The following PRCC variants were observed in gnomAD, a reference collection of about 807,000 sequenced individuals.
PRCC encodes proline-rich protein PRCC.
PRCC carries 10 observed loss-of-function variants against 44.0 expected under a neutral mutation model. That is an observed-to-expected ratio of 0.23 (90% CI 0.14 to 0.39). The LOEUF (loss-of-function observed/expected upper bound fraction) is 0.39, where lower values mean the gene tolerates loss of function less well. Among genes scored for constraint, PRCC ranks in the 10% least tolerant of loss-of-function variants. The probability of loss-of-function intolerance (pLI) is 1.00; values close to 1 mark genes in which losing one functional copy is unlikely to be tolerated. For missense variants in PRCC, 573 were observed against 624.7 expected (o/e 0.92, Z 0.88); for synonymous variants, 278 against 259.5 (o/e 1.07, Z -0.69).
At position 156,775,739 on chromosome 1, in the gene PRCC, G is replaced by C. The variant is rs569273045; in HGVS notation, c.469-6543G>C. Among the ~76,000 whole-genome samples the C allele has an allele frequency of 2.6e-5, 4 of 152,242 alleles. No individual in the cohort carries two copies. In the South Asian group the frequency reaches 8.3e-4, roughly 32 times the overall value. ...TTGGCCAGGCTGGTCTCGAACTCCTGATCTTGTGATCTGCCCACCTCGGCC... is the reference window on the plus strand; with the variant it reads ...TTGGCCAGGCTGGTCTCGAACTCCTCATCTTGTGATCTGCCCACCTCGGCC... On this transcript the variant is annotated intron_variant, in intron 1 of 6. Coordinates refer to ENST00000271526, the MANE Select transcript of PRCC (RefSeq NM_005973.5).
At chr1:156,798,840 CAAAA>C (rs890646541) in intron 6 of PRCC, among the ~76,000 whole-genome samples, 2 of 53,666 alleles carry the variant, frequency 3.7e-5, no homozygotes, top group African/African-American at 5.9e-5. Flanking sequence ...GACTCCATCT[CAAAA>C]AAAAAAAAAA....
intron 4 of PRCC, among the ~76,000 whole-genome samples, chr1:156,792,208 C>G (rs1406499143): frequency 2.0e-5 from 3 of 151,738 alleles, no homozygotes; most frequent in Non-Finnish European, 4.4e-5. Flanking sequence ...GCTTCAGTCT[C>G]TTTCTGATCA....
rs1571600155 is a variant in PRCC, at chr1:156,800,699, C to T, written c.*239C>T. On this transcript the variant is annotated 3_prime_UTR_variant, in exon 7 of 7. Transcript: ENST00000271526. ...GATGCCTCCGAAGGGGCTCTGAGTT[C>T]TGGGGTGGGAGTTTTGCTCTCTGTC... The T allele has an allele frequency of 2.3e-6, 1 of 430,920 alleles. No homozygotes were observed. Among genetic ancestry groups the T allele is most frequent in the Non-Finnish European group, 4.2e-6 (1 of 237,330 alleles). 26.7% of individuals were successfully genotyped at this position (430,920 alleles called of 1,614,324 possible).
At chr1:156,789,201 C>A (rs777061576) in intron 3 of PRCC, among the ~76,000 whole-genome samples, 2 of 152,230 alleles carry the variant, frequency 1.3e-5, no homozygotes, top group Non-Finnish European at 2.9e-5. Flanking sequence ...AACTCCTGAT[C>A]TCAGGTGATC....
intron 1 of PRCC, among the ~76,000 whole-genome samples, chr1:156,770,339 A>G (rs189118255): frequency 6.6e-6 from 1 of 152,318 alleles, no homozygotes; most frequent in African/African-American, 2.4e-5. Context: ...AAGGTAGCCT[A>G]AGAATGTTCA....
intron 2 of PRCC, 52 bp from the exon 3 acceptor site, chr1:156,786,556 A>C (rs1652250036): frequency 2.6e-6 from 4 of 1,537,686 alleles, no homozygotes; most frequent in Non-Finnish European, 3.5e-6. Flanking sequence ...CTAGTACATA[A>C]AATCTCACTT....
At chr1:156,792,421 C>T (rs1652522199) in intron 4 of PRCC, among the ~76,000 whole-genome samples, 2 of 151,832 alleles carry the variant, frequency 1.3e-5, no homozygotes, top group South Asian at 2.1e-4. Flanking sequence ...CTCATATGGC[C>T]GTATCTAGTT....
At chr1:156,783,558 C>G (rs1652123166) in intron 2 of PRCC, among the ~76,000 whole-genome samples, 1 of 152,064 alleles carries the variant, frequency 6.6e-6, no homozygotes, top group African/African-American at 2.4e-5. Context: ...CCAGCCTGGC[C>G]AACATGGTGA....
intron 2 of PRCC, among the ~76,000 whole-genome samples, chr1:156,783,602 C>T (rs1334846701): frequency 6.6e-6 from 1 of 151,918 alleles, no homozygotes. Flanking sequence ...GAAAATTAGC[C>T]AGGCGTGGTG....
intron 3 of PRCC, among the ~76,000 whole-genome samples, chr1:156,787,949 A>G (rs1255154267): frequency 6.6e-6 from 1 of 152,128 alleles, no homozygotes; most frequent in Non-Finnish European, 1.5e-5. Flanking sequence ...CTCCCACCTC[A>G]GCCTCCCAAA....
intron 3 of PRCC, 72 bp downstream of exon 3, chr1:156,787,246 G>C: frequency 6.8e-7 from 1 of 1,474,626 alleles, no homozygotes; most frequent in South Asian, 1.3e-5. Flanking sequence ...TTGAGCTAGT[G>C]ATACAGCCTC....
intron 1 of PRCC, among the ~76,000 whole-genome samples, chr1:156,778,740 A>G (rs1386831699): frequency 8.6e-5 from 13 of 150,450 alleles, no homozygotes. Flanking sequence ...GCGCCACCAC[A>G]CTCAGCTAAT....
At chr1:156,771,248 T>C (rs1334624142) in intron 1 of PRCC, among the ~76,000 whole-genome samples, 3 of 152,088 alleles carry the variant, frequency 2.0e-5, no homozygotes, top group Non-Finnish European at 4.4e-5. Context: ...TGGGGAGTGC[T>C]GAGAGAATGG....
intron 2 of PRCC, among the ~76,000 whole-genome samples, chr1:156,783,672 T>A (rs1331628979): frequency 6.6e-6 from 1 of 151,672 alleles, no homozygotes; most frequent in Non-Finnish European, 1.5e-5. Context: ...CTTGAACCCG[T>A]GAGGTGGAAA....
intron 5 of PRCC, among the ~76,000 whole-genome samples, chr1:156,795,594 T>A (rs2102773704): frequency 6.6e-6 from 1 of 152,262 alleles, no homozygotes; most frequent in African/African-American, 2.4e-5. Flanking sequence ...CCCCGGTTAG[T>A]TCATTGTTTC....
chr1:156,796,984 G>A lies in PRCC; in HGVS notation c.1324-292G>A, dbSNP rs376391552. The A allele has an allele frequency of 1.4e-5, 5 of 348,474 alleles. No homozygotes were observed. The East Asian group carries it at 3.2e-4, about 22-fold the overall frequency. The allele number at this position is 348,474 out of a possible 1,614,324, so 21.6% of individuals were successfully genotyped here. A position where few individuals can be genotyped will look rare whatever the true frequency, so the allele number is the denominator to read the frequency against. Reference sequence around the variant, plus strand: ...CCCCATGCTGGGTGCTAGGGGTGGGGTGGGATTACCAAAGACGCAGAAGAC... The same window carrying A: ...CCCCATGCTGGGTGCTAGGGGTGGGATGGGATTACCAAAGACGCAGAAGAC... On this transcript the variant is annotated intron_variant, in intron 5 of 6. Coordinates refer to ENST00000271526, the MANE Select transcript of PRCC (RefSeq NM_005973.5).
chr1:156,767,972 G>T lies in PRCC; in HGVS notation c.201G>T (p.Leu67Phe). Residue 67 changes from leucine (L) to phenylalanine (F), a missense_variant, in exon 1 of 7, where the codon TTG becomes TTT. By Grantham distance (22) the Leu-to-Phe change is conservative. Coordinates refer to ENST00000271526, the MANE Select transcript of PRCC (RefSeq NM_005973.5). ...MLAPAFPPPL[L>F]LPPPTGDPRL... ...CGCCAGCCTTTCCCCCGCCGCTGTT[G>T]CTTCCCCCACCCACCGGAGACCCCA... 6.3e-7 allele frequency: 1 copy of T among 1,580,034 alleles called. No homozygotes were observed. The highest frequency in any genetic ancestry group is 8.6e-7 in the Non-Finnish European group (1 of 1,161,886).
At chr1:156,769,237 C>G (rs1358894612) in intron 1 of PRCC, among the ~76,000 whole-genome samples, 4 of 152,240 alleles carry the variant, frequency 2.6e-5, no homozygotes, top group Non-Finnish European at 5.9e-5. Flanking sequence ...TCCTAATGTT[C>G]TCTCCCTCAC....
At chr1:156,790,503 A>G (rs923436355) in intron 3 of PRCC, among the ~76,000 whole-genome samples, 2 of 152,346 alleles carry the variant, frequency 1.3e-5, no homozygotes, top group African/African-American at 4.8e-5. Context: ...TGCGCCTGTA[A>G]TCCCAGCTAC....
Sources: allele counts gnomAD v4.1 joint callset (sites outside exome capture counted in the v4.1 genomes callset), GRCh38; gene constraint gnomAD v4.1.1; transcripts MANE v1.5; gene names NCBI Gene and HGNC (gene_info 2026-07-23, HGNC 2026-07-21).